GATB: variants seen among roughly 807,000 people sequenced by gnomAD.
GATB encodes glutamyl-tRNA(Gln) amidotransferase subunit B, mitochondrial.
GATB carries 39 observed loss-of-function variants against 62.3 expected under a neutral mutation model. That is an observed-to-expected ratio of 0.63 (90% CI 0.48 to 0.82). The LOEUF is 0.82. Among genes scored for constraint, GATB ranks in the 40% least tolerant of loss-of-function variants. GATB has a pLI of 0.00. For synonymous variants in GATB, 276 were observed against 258.9 expected, an observed-to-expected ratio of 1.07 and a Z score of -0.63; for missense variants, 670 against 684.0, an observed-to-expected ratio of 0.98 and a Z score of 0.23.
intron 9 of GATB, among the ~76,000 whole-genome samples, chr4:151,692,047 G>T (rs987395792): frequency 2.0e-5 from 3 of 152,326 alleles, no homozygotes; most frequent in Non-Finnish European, 4.4e-5. Context: ...TACTGCTGCT[G>T]CTGAGGACAG....
At chr4:151,697,953 GTATATATA>G (rs56231389) in intron 9 of GATB, among the ~76,000 whole-genome samples, 48 of 40,598 alleles carry the variant, frequency 1.2e-3, no homozygotes, top group Admixed American at 3.0e-3. Context: ...GTGTGTGTGT[GTATATATA>G]TATATATATA....
chr4:151,714,745 G>C (rs1183450419), intron 5 of GATB, among the ~76,000 whole-genome samples: 1 of 152,154 alleles, frequency 6.6e-6, no homozygotes, highest in Admixed American at 6.5e-5. Context: ...AACACTTGGA[G>C]CATAAATGGA....
At chr4:151,698,478 C>A (rs1738533491) in intron 9 of GATB, among the ~76,000 whole-genome samples, 1 of 152,094 alleles carries the variant, frequency 6.6e-6, no homozygotes, top group Admixed American at 6.5e-5. Context: ...ACACCTCCAC[C>A]ACTGCTATTT....
chr4:151,680,370 G>A (rs949181247), intron 10 of GATB, among the ~76,000 whole-genome samples: 2 of 151,912 alleles, frequency 1.3e-5, no homozygotes, highest in Non-Finnish European at 2.9e-5. Flanking sequence ...TTTCTGCAAG[G>A]GAACACAATG....
intron 11 of GATB, among the ~76,000 whole-genome samples, chr4:151,678,870 T>C (rs539789171): frequency 7.0e-6 from 1 of 143,826 alleles, no homozygotes; most frequent in Non-Finnish European, 1.5e-5. Flanking sequence ...GTTCTTGATC[T>C]TTCTGGTTAT....
intron 6 of GATB, among the ~76,000 whole-genome samples, chr4:151,705,508 G>C (rs930568783): frequency 2.6e-5 from 4 of 152,198 alleles, no homozygotes; most frequent in South Asian, 2.1e-4. Context: ...TTCAGGTTCA[G>C]AGAGATTAAG....
At chr4:151,672,946 T>G in intron 11 of GATB, 50 bp from the exon 12 acceptor site, 1 of 1,603,610 alleles carries the variant, frequency 6.2e-7, no homozygotes, top group Non-Finnish European at 8.5e-7. Context: ...TCAGCTCTTC[T>G]GCCAGCTCCA....
intron 10 of GATB, among the ~76,000 whole-genome samples, chr4:151,686,515 C>T (rs1478202522): frequency 1.3e-5 from 2 of 151,998 alleles, no homozygotes; most frequent in Admixed American, 6.5e-5. Context: ...GCCCCGGGAC[C>T]TTGCAAGGGC....
intron 7 of GATB, among the ~76,000 whole-genome samples, chr4:151,704,704 C>T (rs564652322): frequency 6.6e-6 from 1 of 150,644 alleles, no homozygotes; most frequent in South Asian, 2.1e-4. Flanking sequence ...CCGCCCGCCT[C>T]GGCCTCCCAA....
At chr4:151,732,128 C>A (rs972105167) in intron 2 of GATB, among the ~76,000 whole-genome samples, 9 of 150,702 alleles carry the variant, frequency 6.0e-5, no homozygotes, top group Admixed American at 5.2e-4. Context: ...CCGGCCACCG[C>A]CCCGTCCAGG....
chr4:151,703,577 C>T (rs1738649408), intron 8 of GATB: 1 of 501,590 alleles, frequency 2.0e-6, no homozygotes, highest in South Asian at 2.2e-5. Context: ...CCTAGCTCAA[C>T]TATGACAACT....
Position 151,707,530 on chromosome 4 carries a change from CA to C in GATB, c.877+457del, listed in dbSNP as rs536737899. On this transcript the variant is annotated intron_variant, in intron 6 of 12. Transcript: ENST00000263985. ...GTGGTCTTGAACTCGTGGCCTCAAG[CA>C]ATCCACCCACCTTGGCTTCCCAAAG... 2.6e-3 allele frequency among the ~76,000 whole-genome samples: 391 copies of C among 152,266 alleles called. 1 individual carries two copies. The highest frequency in any genetic ancestry group is 9.0e-3 in the African/African-American group (375 of 41,558).
intron 2 of GATB, among the ~76,000 whole-genome samples, chr4:151,729,070 C>A (rs568107524): frequency 1.3e-5 from 2 of 152,148 alleles, no homozygotes; most frequent in Non-Finnish European, 2.9e-5. Context: ...GAAAAAGCTA[C>A]CTTTAATTTC....
chr4:151,739,091 C>T (rs892660773), intron 2 of GATB, among the ~76,000 whole-genome samples: 1 of 152,238 alleles, frequency 6.6e-6, no homozygotes, highest in Non-Finnish European at 1.5e-5. Context: ...AGCTGCAAAG[C>T]ATGACAAAGA....
At chr4:151,709,257 G>A (rs1738772939) in intron 5 of GATB, among the ~76,000 whole-genome samples, 1 of 152,168 alleles carries the variant, frequency 6.6e-6, no homozygotes, top group East Asian at 1.9e-4. Context: ...CCTATACCAA[G>A]CTGGAGGTCG....
chr4:151,742,685 C>T (rs1213789521), intron 2 of GATB, among the ~76,000 whole-genome samples: 1 of 152,084 alleles, frequency 6.6e-6, no homozygotes, highest in Non-Finnish European at 1.5e-5. Flanking sequence ...GGAAAATGGC[C>T]CTGGCTTAGA....
chr4:151,674,988 T>C (rs907340614), intron 11 of GATB: 2 of 151,988 alleles, frequency 1.3e-5, no homozygotes, highest in African/African-American at 2.4e-5. Context: ...GCTGCTGCGG[T>C]GGGAAGCACA....
At chr4:151,719,401 G>T in intron 3 of GATB, 24 bp downstream of exon 3, 2 of 1,528,860 alleles carry the variant, frequency 1.3e-6, no homozygotes, top group South Asian at 1.1e-5. Context: ...ACTTGCAGTG[G>T]GGTGGATCAC....
In GATB at chr4:151,719,497, G is replaced by A. The variant is rs149215241; in HGVS notation, c.369C>T (p.Gly123=). 2 of 1,611,052 alleles carry A rather than the reference G, an allele frequency of 1.2e-6. No homozygotes were observed. Among genetic ancestry groups the A allele is most frequent in the East Asian group, 2.2e-5 (1 of 44,614 alleles). ...TGTTTATGTGGCAGTTCAGAGCCAG[G>A]CCTGTCATCACCGCCGCTTCTACAC... ...RRCVEAAVMT[G]LALNCHINKK... Residue 123 remains glycine (G), a synonymous_variant, in exon 3 of 13, where the codon GGC becomes GGT. Coordinates refer to ENST00000263985, the MANE Select transcript of GATB (RefSeq NM_004564.3).
Sources: allele counts gnomAD v4.1 joint callset (sites outside exome capture counted in the v4.1 genomes callset), GRCh38; gene constraint gnomAD v4.1.1; transcripts MANE v1.5; gene names NCBI Gene and HGNC (gene_info 2026-07-23, HGNC 2026-07-21).